Variants in CENPP observed in about 807,000 individuals in gnomAD.
CENPP encodes centromere protein P.
CENPP carries 24 observed loss-of-function variants against 35.6 expected under a neutral mutation model. That is an observed-to-expected ratio of 0.67 (90% confidence interval 0.49 to 0.95). The LOEUF is 0.95. Among genes scored for constraint, CENPP ranks in the 40% least tolerant of loss-of-function variants. The pLI is 0.00. For synonymous variants in CENPP, 120 were observed against 125.5 expected, an observed-to-expected ratio of 0.96 and a Z score of 0.29; for missense variants, 332 against 345.3, an observed-to-expected ratio of 0.96 and a Z score of 0.31.
At chr9:92,385,830 A>G (rs1564289725) in intron 5 of CENPP, 2 of 1,606,110 alleles carry the variant, frequency 1.2e-6, no homozygotes, top group South Asian at 1.1e-5. Context: ...GAAATCTGAA[A>G]TCAACCTTTC....
chr9:92,509,841 A>G (rs1185673025), intron 5 of CENPP: 1 of 1,497,418 alleles, frequency 6.7e-7, no homozygotes, highest in Non-Finnish European at 8.9e-7. Flanking sequence ...AAATTTCTAC[A>G]GGACTATATA....
intron 5 of CENPP, among the ~76,000 whole-genome samples, chr9:92,400,821 C>G (rs1293121778): frequency 1.3e-5 from 2 of 152,166 alleles, no homozygotes; most frequent in Non-Finnish European, 2.9e-5. Context: ...AAGTATTTCT[C>G]GAATAGATTT....
At chr9:92,359,608 G>A (rs922287106) in intron 4 of CENPP, among the ~76,000 whole-genome samples, 14 of 152,098 alleles carry the variant, frequency 9.2e-5, no homozygotes, top group Non-Finnish European at 1.8e-4. Flanking sequence ...GAAAATGAAG[G>A]TGGGAAAAAA....
intron 5 of CENPP, among the ~76,000 whole-genome samples, chr9:92,601,404 AGGGAGCTTCT>A (rs1236528620): frequency 6.6e-6 from 1 of 152,198 alleles, no homozygotes; most frequent in Non-Finnish European, 1.5e-5. Context: ...AAATTTCCAA[AGGGAGCTTCT>A]GGTGCTGCCG....
At chr9:92,545,612 C>T (rs1416498635) in intron 5 of CENPP, among the ~76,000 whole-genome samples, 2 of 152,210 alleles carry the variant, frequency 1.3e-5, no homozygotes, top group South Asian at 2.1e-4. Flanking sequence ...CACTGACCGC[C>T]CAAGGGCTGA....
chr9:92,545,499 C>T (rs1323338795), intron 5 of CENPP, among the ~76,000 whole-genome samples: 3 of 151,700 alleles, frequency 2.0e-5, no homozygotes, highest in East Asian at 2.0e-4. Flanking sequence ...GGCAGGGCTC[C>T]GGACCTGCAG....
intron 5 of CENPP, among the ~76,000 whole-genome samples, chr9:92,431,643 T>C (rs1844111727): frequency 6.6e-6 from 1 of 152,180 alleles, no homozygotes; most frequent in African/African-American, 2.4e-5. Flanking sequence ...GGCATGATGT[T>C]GGCTCACTGC....
At chr9:92,357,777 G>A (rs1282182588) in intron 4 of CENPP, among the ~76,000 whole-genome samples, 3 of 151,976 alleles carry the variant, frequency 2.0e-5, no homozygotes, top group Non-Finnish European at 4.4e-5. Flanking sequence ...TTACAGGTGT[G>A]AGCCACCGCA....
intron 5 of CENPP, chr9:92,385,496 TATTAA>T: frequency 1.2e-6 from 1 of 828,050 alleles, no homozygotes; most frequent in Non-Finnish European, 1.9e-6. Context: ...TTGCTTAAAA[TATTAA>T]ATTCCTTCAA....
chr9:92,365,308 G>A (rs1841858897), intron 4 of CENPP, among the ~76,000 whole-genome samples: 1 of 151,984 alleles, frequency 6.6e-6, no homozygotes, highest in Admixed American at 6.6e-5. Context: ...AGTACATGGA[G>A]GAGGTTGCCT....
chr9:92,334,529 A>G (rs10992308), intron 2 of CENPP, among the ~76,000 whole-genome samples: 37,994 of 152,078 alleles, frequency 0.25, 6,823 homozygotes, highest in African/African-American at 0.5. Context: ...TTGAAGGACT[A>G]ATCCTCTTCT....
chr9:92,503,966 C>T (rs947201222), intron 5 of CENPP, among the ~76,000 whole-genome samples: 8 of 152,142 alleles, frequency 5.3e-5, no homozygotes, highest in East Asian at 1.9e-4. Context: ...GTATGTGCCA[C>T]GCATTTGTGC....
Position 92,373,650 on chromosome 9 carries a change from A to AC in CENPP, c.468-6112dup, listed in dbSNP as rs548019426. ...AGACCATCCTGGCCAACATGATGAAACACCGTCTCTACTAAAAATACAAAA... is the reference window on the plus strand; with the variant it reads ...AGACCATCCTGGCCAACATGATGAAACCACCGTCTCTACTAAAAATACAAAA... On this transcript the variant is annotated intron_variant, in intron 4 of 7. Transcript: ENST00000375587. Among the ~76,000 whole-genome samples, 307 of 152,168 alleles carry AC rather than the reference A, an allele frequency of 2.0e-3. 2 individuals carry two copies. Among genetic ancestry groups the AC allele is most frequent in the African/African-American group, 7.0e-3 (290 of 41,512 alleles).
intron 1 of CENPP, among the ~76,000 whole-genome samples, chr9:92,327,705 G>T (rs1431849216): frequency 6.6e-6 from 1 of 152,190 alleles, no homozygotes; most frequent in Non-Finnish European, 1.5e-5. Flanking sequence ...TCATTCTCTT[G>T]TCCTATCAAA....
intron 5 of CENPP, among the ~76,000 whole-genome samples, chr9:92,411,044 G>A (rs997632995): frequency 6.6e-5 from 10 of 151,058 alleles, no homozygotes; most frequent in African/African-American, 2.2e-4. Context: ...GTGCAATCTC[G>A]GCTCACTGCA....
intron 5 of CENPP, among the ~76,000 whole-genome samples, chr9:92,591,193 G>A (rs1850655162): frequency 1.3e-5 from 2 of 152,046 alleles, no homozygotes; most frequent in African/African-American, 4.8e-5. Flanking sequence ...GCTGAGGCGG[G>A]TGGATCACGA....
chr9:92,401,440 A>C (rs1201792079), intron 5 of CENPP, among the ~76,000 whole-genome samples: 1 of 152,210 alleles, frequency 6.6e-6, no homozygotes, highest in Non-Finnish European at 1.5e-5. Flanking sequence ...CAGTAGCTAC[A>C]CTCAGTGCTT....
At chr9:92,436,923 G>A (rs1296919974) in intron 5 of CENPP, among the ~76,000 whole-genome samples, 1 of 152,070 alleles carries the variant, frequency 6.6e-6, no homozygotes. Flanking sequence ...AAATCTGCTG[G>A]GTGTGGTGGC....
At chr9:92,401,978 A>C (rs1843133919) in intron 5 of CENPP, among the ~76,000 whole-genome samples, 1 of 151,124 alleles carries the variant, frequency 6.6e-6, no homozygotes, top group Admixed American at 6.6e-5. Flanking sequence ...TCCTCCCTCT[A>C]CTCTGTGTTT....
Sources: allele counts gnomAD v4.1 joint callset (sites outside exome capture counted in the v4.1 genomes callset), GRCh38; gene constraint gnomAD v4.1.1; transcripts MANE v1.5; gene names NCBI Gene and HGNC (gene_info 2026-07-23, HGNC 2026-07-21).